The following TPRG1 variants were observed in gnomAD, a reference collection of about 807,000 sequenced individuals.
The protein encoded by TPRG1 is tumor protein p63-regulated gene 1 protein.
A neutral mutation model predicts 29.3 loss-of-function variants in TPRG1; 29 were observed. The ratio of observed to expected loss-of-function variants is 0.99; its 90% CI spans 0.74 to 1.35. TPRG1 has a LOEUF of 1.35. TPRG1 is among the 40% of genes most tolerant of loss of function. The probability of loss-of-function intolerance (pLI) is 0.00; values close to 1 mark genes in which losing one functional copy is unlikely to be tolerated. For missense variants in TPRG1, 327 were observed against 335.0 expected (o/e 0.98, Z 0.19); for synonymous variants, 130 against 116.8 (o/e 1.11, Z -0.73).
chr3:189,308,605 C>G (rs958485605), intron 4 of TPRG1, among the ~76,000 whole-genome samples: 1 of 152,140 alleles, frequency 6.6e-6, no homozygotes. Flanking sequence ...GAGAAAGGTC[C>G]TTTTTATAGT....
intron 4 of TPRG1, among the ~76,000 whole-genome samples, chr3:189,242,309 CTTATA>C (rs1740741096): frequency 6.6e-6 from 1 of 151,864 alleles, no homozygotes; most frequent in Non-Finnish European, 1.5e-5. Context: ...TTATTATAAC[CTTATA>C]TTATGTGTCA....
intron 1 of TPRG1, among the ~76,000 whole-genome samples, chr3:189,177,551 A>G (rs1729655259): frequency 6.6e-6 from 1 of 151,702 alleles, no homozygotes; most frequent in Non-Finnish European, 1.5e-5. Flanking sequence ...TATGGTATTC[A>G]CAGCAATGAA....
chr3:189,057,209 G>A lies in TPRG1; in HGVS notation c.-463+33263G>A, dbSNP rs898578442. Among the ~76,000 whole-genome samples the A allele has an allele frequency of 4.6e-5, 7 of 152,160 alleles. No individual in the cohort carries two copies. The East Asian group carries it at 1.2e-3, about 25-fold the overall frequency. ...TTGTTTCATACACAGTGGCATTTGA[G>A]GCCCTGGGCTTATGGCTTGTGTTGC... On this transcript the variant is annotated intron_variant, in intron 4 of 10. Transcript: ENST00000433971.
intron 4 of TPRG1, among the ~76,000 whole-genome samples, chr3:189,048,966 G>A (rs1004700847): frequency 3.3e-5 from 5 of 152,178 alleles, no homozygotes; most frequent in Non-Finnish European, 5.9e-5. Context: ...AGGGGTAGAG[G>A]AGCAGCAGAA....
At chr3:189,239,351 T>C (rs1740128315) in intron 4 of TPRG1, among the ~76,000 whole-genome samples, 1 of 152,296 alleles carries the variant, frequency 6.6e-6, no homozygotes, top group Admixed American at 6.5e-5. Flanking sequence ...CTGGACCCCA[T>C]GGTTCAATTA....
chr3:189,263,496 A>G (rs1489019623), intron 4 of TPRG1, among the ~76,000 whole-genome samples: 1 of 152,212 alleles, frequency 6.6e-6, no homozygotes, highest in Non-Finnish European at 1.5e-5. Flanking sequence ...TGGAGGAGCT[A>G]GAATAATTCT....
chr3:189,206,042 T>TCCTTCCTTCCTTCCTTCCTTCCTTCCTA (rs1734280570), intron 1 of TPRG1, among the ~76,000 whole-genome samples: 1 of 150,028 alleles, frequency 6.7e-6, no homozygotes, highest in African/African-American at 2.4e-5. Context: ...CTTCCTTCCT[T>TCCTTCCTTCCTTCCTTCCTTCCTTCCTA]CCTTTCTTCT....
chr3:189,057,500 C>CTT (rs67560129), intron 4 of TPRG1, among the ~76,000 whole-genome samples: 18 of 134,252 alleles, frequency 1.3e-4, no homozygotes, highest in African/African-American at 4.0e-4. Flanking sequence ...GCCCTGATTG[C>CTT]TTTTTTTTTT....
At chr3:189,162,433 A>C (rs903046803) in intron 5 of TPRG1, among the ~76,000 whole-genome samples, 8 of 152,248 alleles carry the variant, frequency 5.3e-5, no homozygotes, top group African/African-American at 1.9e-4. Context: ...TGTTGTTACG[A>C]GTCTTTAATG....
At chr3:189,028,676 G>GT (rs1560403193) in intron 4 of TPRG1, among the ~76,000 whole-genome samples, 2 of 152,106 alleles carry the variant, frequency 1.3e-5, no homozygotes, top group Non-Finnish European at 2.9e-5. Context: ...ATATTTATTA[G>GT]TGCAGTATCA....
chr3:188,998,438 G>T (rs1405875644), intron 1 of TPRG1, among the ~76,000 whole-genome samples: 1 of 152,198 alleles, frequency 6.6e-6, no homozygotes, highest in Non-Finnish European at 1.5e-5. Context: ...CATATGGTAT[G>T]ACTTGATGTT....
At chr3:189,151,652 A>G (rs137963507) in intron 5 of TPRG1, among the ~76,000 whole-genome samples, 23,265 of 152,092 alleles carry the variant, frequency 0.15, 2,196 homozygotes, top group South Asian at 0.28. Flanking sequence ...AGGCTGAGGC[A>G]GGTGGATCAC....
At chr3:189,263,396 A>G (rs1713486557) in intron 4 of TPRG1, among the ~76,000 whole-genome samples, 1 of 152,230 alleles carries the variant, frequency 6.6e-6, no homozygotes, top group African/African-American at 2.4e-5. Flanking sequence ...ATAGGCCAGC[A>G]CAACTTGGAC....
intron 4 of TPRG1, among the ~76,000 whole-genome samples, chr3:189,301,462 C>T (rs1720830184): frequency 6.6e-6 from 1 of 152,084 alleles, no homozygotes; most frequent in African/African-American, 2.4e-5. Flanking sequence ...TTCCACTTAA[C>T]AGAAAATTAA....
intron 4 of TPRG1, among the ~76,000 whole-genome samples, chr3:189,249,039 CAT>C (rs112049579): frequency 2.6e-5 from 4 of 151,322 alleles, no homozygotes; most frequent in African/African-American, 9.7e-5. Context: ...TAGAGTTCTA[CAT>C]ATAGAGTTTC....
At chr3:189,290,464 T>G (rs564716526) in intron 4 of TPRG1, among the ~76,000 whole-genome samples, 1 of 152,374 alleles carries the variant, frequency 6.6e-6, no homozygotes, top group South Asian at 2.1e-4. Flanking sequence ...CTTGATGATA[T>G]CTTTCGTTGA....
chr3:189,080,300 C>T (rs560416615), intron 4 of TPRG1, among the ~76,000 whole-genome samples: 5 of 152,190 alleles, frequency 3.3e-5, no homozygotes, highest in African/African-American at 9.6e-5. Context: ...AGAACAAAGA[C>T]CACTCCTCAA....
intron 3 of TPRG1, among the ~76,000 whole-genome samples, chr3:189,016,630 C>T (rs1020322723): frequency 1.3e-5 from 2 of 152,018 alleles, no homozygotes; most frequent in Non-Finnish European, 2.9e-5. Flanking sequence ...GGTGAGGGAC[C>T]AGGTGGGAGG....
intron 4 of TPRG1, among the ~76,000 whole-genome samples, chr3:189,277,999 G>A (rs999004678): frequency 2.6e-5 from 4 of 152,140 alleles, no homozygotes; most frequent in Admixed American, 6.6e-5. Flanking sequence ...GTATCCATAA[G>A]CACCTTTCAG....
Sources: gnomAD v4.1 joint callset for allele counts (sites outside exome capture counted in the v4.1 genomes callset) on GRCh38, gnomAD v4.1.1 for gene constraint, MANE v1.5 for transcripts, NCBI Gene and HGNC (gene_info 2026-07-23, HGNC 2026-07-21) for gene names.